Variants in RIGI observed in about 807,000 individuals in gnomAD.
RIGI encodes the protein RNA sensor RIG-I, also known as antiviral innate immune response receptor RIG-I.
At chr9:32,506,845 A>G in the RIGI span, among the ~76,000 whole-genome samples, 2 of 152,300 alleles carry the variant, frequency 1.3e-5, no homozygotes, top group African/African-American at 4.8e-5. Flanking sequence ...CTTCAGTCAA[A>G]TTAATTAATT....
the RIGI span, chr9:32,485,218 C>T: frequency 1.2e-6 from 2 of 1,610,024 alleles, no homozygotes; most frequent in Non-Finnish European, 1.7e-6. Context: ...CTGTGTCCCT[C>T]ATCAGCTGAG....
At chr9:32,481,265 GT>G in the RIGI span, 1 of 1,441,990 alleles carries the variant, frequency 6.9e-7, no homozygotes, top group African/African-American at 1.4e-5. Flanking sequence ...AGAAGTTGAT[GT>G]TATCTTGGCT....
At chr9:32,459,532 A>C in the RIGI span, 1 of 1,599,812 alleles carries the variant, frequency 6.3e-7, no homozygotes, top group Non-Finnish European at 8.5e-7. Context: ...AAAAAGAAAG[A>C]CCGCAAATGT....
chr9:32,498,191 TGA>T, the RIGI span: 10 of 439,646 alleles, frequency 2.3e-5, no homozygotes, highest in Non-Finnish European at 4.6e-5. Flanking sequence ...GGATGTGCAG[TGA>T]GAGTTTTCAT....
the RIGI span, chr9:32,485,533 T>A: frequency 2.3e-5 from 5 of 218,582 alleles, no homozygotes; most frequent in East Asian, 1.4e-4. Flanking sequence ...ACTAGCTTCT[T>A]TTTTTTTTTT....
chr9:32,488,747 A>G, the RIGI span: 1 of 1,607,688 alleles, frequency 6.2e-7, no homozygotes, highest in Non-Finnish European at 8.5e-7. Flanking sequence ...TGTCTTTCAA[A>G]GTATTTTGAG....
the RIGI span, chr9:32,477,219 A>G: frequency 1.4e-6 from 2 of 1,474,444 alleles, no homozygotes; most frequent in Non-Finnish European, 1.8e-6. Flanking sequence ...CAAACAGCTG[A>G]TCTCTAAATC....
the RIGI span, among the ~76,000 whole-genome samples, chr9:32,514,447 C>A: frequency 2.0e-5 from 3 of 152,100 alleles, no homozygotes; most frequent in African/African-American, 7.2e-5. Context: ...AAGCTGGAAA[C>A]CATCATTCTC....
chr9:32,497,322 A>T, the RIGI span, among the ~76,000 whole-genome samples: 1 of 152,048 alleles, frequency 6.6e-6, no homozygotes, highest in Admixed American at 6.5e-5. Context: ...TTGTTACCTT[A>T]ATTTCTTTTT....
At chr9:32,491,612 T>G in the RIGI span, among the ~76,000 whole-genome samples, 1 of 150,934 alleles carries the variant, frequency 6.6e-6, no homozygotes, top group African/African-American at 2.4e-5. Context: ...GGCGTTGACC[T>G]CCAATGTAAT....
the RIGI span, chr9:32,457,057 CT>C: frequency 7.9e-7 from 1 of 1,266,458 alleles, no homozygotes; most frequent in East Asian, 2.3e-5. Flanking sequence ...ATTATACCCA[CT>C]ATGTTTGTTT....
At chr9:32,495,297 G>T in the RIGI span, among the ~76,000 whole-genome samples, 2 of 152,100 alleles carry the variant, frequency 1.3e-5, no homozygotes, top group African/African-American at 4.8e-5. Flanking sequence ...TGCCTCCCGG[G>T]TTCAAGCAAT....
At chr9:32,521,884 C>T in the RIGI span, among the ~76,000 whole-genome samples, 1 of 152,152 alleles carries the variant, frequency 6.6e-6, no homozygotes, top group African/African-American at 2.4e-5. Flanking sequence ...GTCTTTATGG[C>T]TCTCCTAAGA....
the RIGI span, among the ~76,000 whole-genome samples, chr9:32,504,218 C>A: frequency 2.6e-5 from 4 of 152,066 alleles, no homozygotes; most frequent in Non-Finnish European, 5.9e-5. Context: ...TATCTGATTG[C>A]AGAGAGGGTT....
the RIGI span, among the ~76,000 whole-genome samples, chr9:32,502,983 G>A: frequency 6.6e-6 from 1 of 152,146 alleles, no homozygotes; most frequent in African/African-American, 2.4e-5. Context: ...AAGTACTGGG[G>A]TTTAGGACTT....
the RIGI span, among the ~76,000 whole-genome samples, chr9:32,485,011 T>C: frequency 6.6e-6 from 1 of 152,124 alleles, no homozygotes; most frequent in African/African-American, 2.4e-5. Flanking sequence ...AAAGAAAGAA[T>C]AGAGGAGGAC....
the RIGI span, chr9:32,485,363 C>T: frequency 1.0e-6 from 1 of 956,134 alleles, no homozygotes; most frequent in South Asian, 1.5e-5. Context: ...AAGTAGGTAT[C>T]TCTAAAACCT....
chr9:32,518,312 T>A, the RIGI span, among the ~76,000 whole-genome samples: 1 of 151,538 alleles, frequency 6.6e-6, no homozygotes, highest in East Asian at 1.9e-4. Context: ...AGGAAGGTTA[T>A]AAAGAAAATA....
the RIGI span, among the ~76,000 whole-genome samples, chr9:32,521,007 G>T: frequency 6.6e-6 from 1 of 151,612 alleles, no homozygotes; most frequent in Admixed American, 6.6e-5. Context: ...TTAGCCAAGT[G>T]TGGTGGCATG....
Sources: allele counts gnomAD v4.1 joint callset (sites outside exome capture counted in the v4.1 genomes callset), GRCh38; gene constraint gnomAD v4.1.1; transcripts MANE v1.5; gene names NCBI Gene and HGNC (gene_info 2026-07-23, HGNC 2026-07-21).